DOCK4: variants seen among roughly 807,000 people sequenced by gnomAD.
The protein encoded by DOCK4 is dedicator of cytokinesis 4.
Under a neutral mutation model 268.1 loss-of-function variants are expected in DOCK4, and 97 were observed. The ratio of observed to expected loss-of-function variants is 0.36; its 90% CI spans 0.31 to 0.43. DOCK4 has a LOEUF of 0.43. Ranked by LOEUF, DOCK4 falls within the 20% of genes least tolerant of loss-of-function variation. The probability of loss-of-function intolerance (pLI) is 1.00; values close to 1 mark genes in which losing one functional copy is unlikely to be tolerated. For missense variants in DOCK4, 2,145 were observed against 2,455.7 expected (o/e 0.87, Z 2.67); for synonymous variants, 954 against 887.2 (o/e 1.08, Z -1.34).
intron 2 of DOCK4, among the ~76,000 whole-genome samples, chr7:112,002,944 G>A (rs960353599): frequency 5.9e-5 from 9 of 151,666 alleles, no homozygotes; most frequent in Admixed American, 4.6e-4. Flanking sequence ...CCAGCTATTC[G>A]GGAGGCTGAG....
At chr7:112,016,846 T>C (rs1801850817) in intron 1 of DOCK4, among the ~76,000 whole-genome samples, 1 of 152,110 alleles carries the variant, frequency 6.6e-6, no homozygotes, top group Admixed American at 6.6e-5. Flanking sequence ...GGAAACAAAT[T>C]AACGTTTTTG....
chr7:111,935,468 C>T (rs1316896810), intron 12 of DOCK4, 72 bp downstream of exon 12: 2 of 1,351,724 alleles, frequency 1.5e-6, no homozygotes, highest in African/African-American at 1.4e-5. Context: ...TAATTTCCTT[C>T]CCAAACAGAC....
At chr7:112,144,700 A>T (rs1334173108) in intron 1 of DOCK4, among the ~76,000 whole-genome samples, 1 of 152,230 alleles carries the variant, frequency 6.6e-6, no homozygotes, top group Non-Finnish European at 1.5e-5. Flanking sequence ...TTTCTGGCAC[A>T]GCTGAGAAAA....
intron 1 of DOCK4, among the ~76,000 whole-genome samples, chr7:112,079,724 G>A (rs1044898013): frequency 3.3e-5 from 5 of 152,086 alleles, no homozygotes. Context: ...TTCTTATTTT[G>A]TAGAATGGAA....
At chr7:111,934,528 T>TG (rs3055679) in intron 12 of DOCK4, among the ~76,000 whole-genome samples, 11,938 of 131,336 alleles carry the variant, frequency 0.091, 690 homozygotes, top group East Asian at 0.3. Flanking sequence ...TTTTTGTTTT[T>TG]TTTTTTTTTT....
At chr7:112,189,956 G>T (rs550134357) in intron 1 of DOCK4, among the ~76,000 whole-genome samples, 1 of 152,106 alleles carries the variant, frequency 6.6e-6, no homozygotes, top group Non-Finnish European at 1.5e-5. Context: ...CAGATTTTAT[G>T]TAACTAATTT....
At chr7:111,961,087 CTGCT>C (rs1274942430) in intron 8 of DOCK4, among the ~76,000 whole-genome samples, 5 of 152,116 alleles carry the variant, frequency 3.3e-5, no homozygotes, top group Non-Finnish European at 7.3e-5. Flanking sequence ...TGCTCCACGT[CTGCT>C]TGCCTTCCTC....
rs1297035888 is a variant in DOCK4 at position 111,977,204 on chromosome 7, A to G, written c.629T>C (p.Met210Thr). ...HHLFVQMKSL[M>T]CSNLGEELEV... The stretch of plus-strand genomic sequence containing the variant: ...CAGCTCCTCTCCCAGGTTGGAACAC[A>G]TGAGGCTCTTCATCTGGACAAAGAG... Residue 210 changes from methionine to threonine, a missense_variant, in exon 8 of 53, where the codon ATG becomes ACG. Met to Thr is a moderately conservative substitution (Grantham distance 81). Transcript: ENST00000428084. 2 of 1,612,340 alleles carry G rather than the reference A, an allele frequency of 1.2e-6. No homozygotes were observed. The highest frequency in any genetic ancestry group is 8.5e-7 in the Non-Finnish European group (1 of 1,179,358).
intron 8 of DOCK4, among the ~76,000 whole-genome samples, chr7:111,974,743 CA>C (rs143860311): frequency 0.015 from 2,347 of 151,960 alleles, 63 homozygotes; most frequent in African/African-American, 0.054. Flanking sequence ...AACACAAACA[CA>C]ACATTTTGGC....
chr7:112,165,602 A>G (rs1431666901), intron 1 of DOCK4, among the ~76,000 whole-genome samples: 1 of 151,022 alleles, frequency 6.6e-6, no homozygotes, highest in Non-Finnish European at 1.5e-5. Flanking sequence ...CTTAGGGTCA[A>G]TCCATGTTTT....
intron 1 of DOCK4, among the ~76,000 whole-genome samples, chr7:112,145,689 G>C (rs1006272910): frequency 5.9e-5 from 9 of 151,956 alleles, no homozygotes; most frequent in Non-Finnish European, 1.3e-4. Flanking sequence ...AGTAAGCCTT[G>C]CATTCCACTA....
At position 112,112,643 on chromosome 7, in the gene DOCK4, C is replaced by CA. The variant is rs943420036; in HGVS notation, c.37+93458dup. ...TAGGCAATAGAGGGAGACTCCAACT[C>CA]AAAAAAAAAAACAAAAGAAGATGCT... On this transcript the variant is annotated intron_variant, in intron 1 of 52. Coordinates refer to ENST00000428084, the MANE Select transcript of DOCK4 (RefSeq NM_001363540.2). Among the ~76,000 whole-genome samples, 1,057 of 135,228 alleles carry CA rather than the reference C, an allele frequency of 7.8e-3. 7 individuals are homozygous for CA. The highest frequency in any genetic ancestry group is 0.023 in the African/African-American group (856 of 36,730). 88.7% of individuals were successfully genotyped at this position (135,228 alleles called of 152,430 possible). A position where few individuals can be genotyped will look rare whatever the true frequency, so the allele number is the denominator to read the frequency against.
intron 44 of DOCK4, among the ~76,000 whole-genome samples, chr7:111,743,705 T>G (rs1333988513): frequency 2.0e-5 from 3 of 152,156 alleles, no homozygotes; most frequent in African/African-American, 7.2e-5. Flanking sequence ...GATTGATGCC[T>G]GTCAGGGGGA....
At chr7:111,745,163 G>A (rs368897381) in intron 44 of DOCK4, among the ~76,000 whole-genome samples, 13 of 152,238 alleles carry the variant, frequency 8.5e-5, no homozygotes, top group African/African-American at 2.6e-4. Context: ...GTACTTGATG[G>A]TTCCAAATAA....
intron 1 of DOCK4, among the ~76,000 whole-genome samples, chr7:112,092,901 C>G (rs912095294): frequency 4.6e-5 from 7 of 152,100 alleles, no homozygotes. Flanking sequence ...GTTTTGTTCT[C>G]TCAGTGGGCG....
At chr7:111,830,555 T>C (rs1249126112) in intron 26 of DOCK4, among the ~76,000 whole-genome samples, 1 of 152,184 alleles carries the variant, frequency 6.6e-6, no homozygotes. Context: ...AGTGTAAGAA[T>C]CTTAGTCCCA....
chr7:111,746,837 T>G (rs1261346896), intron 43 of DOCK4, among the ~76,000 whole-genome samples: 1 of 79,002 alleles, frequency 1.3e-5, no homozygotes, highest in African/African-American at 4.3e-5. Context: ...TTTTTTTTTT[T>G]TTTTAAATAA....
chr7:112,113,950 G>A (rs924989303), intron 1 of DOCK4, among the ~76,000 whole-genome samples: 1 of 151,738 alleles, frequency 6.6e-6, no homozygotes, highest in Non-Finnish European at 1.5e-5. Context: ...GCAAATTTTG[G>A]CAAAGCCATC....
At chr7:112,026,429 T>C (rs1586670270) in intron 1 of DOCK4, among the ~76,000 whole-genome samples, 1 of 151,992 alleles carries the variant, frequency 6.6e-6, no homozygotes, top group African/African-American at 2.4e-5. Flanking sequence ...TGTGGAAAAA[T>C]TGTCTTCCAT....
Sources: gnomAD v4.1 joint callset for allele counts (sites outside exome capture counted in the v4.1 genomes callset) on GRCh38, gnomAD v4.1.1 for gene constraint, MANE v1.5 for transcripts, NCBI Gene and HGNC (gene_info 2026-07-23, HGNC 2026-07-21) for gene names.